Variants in SMAD1 observed in about 807,000 individuals in gnomAD.
The protein encoded by SMAD1 is SMAD family member 1, also known as MAD, mothers against decapentaplegic homolog 1.
Under a neutral mutation model 41.6 loss-of-function variants are expected in SMAD1, and 6 were observed. The observed-to-expected ratio is 0.14, with a 90% confidence interval of 0.08 to 0.28. The LOEUF is 0.28. Ranked by LOEUF, SMAD1 falls within the 10% of genes least tolerant of loss-of-function variation. The pLI is 1.00. For missense variants in SMAD1, 379 were observed against 582.6 expected (o/e 0.65, Z 3.60); for synonymous variants, 206 against 203.2 (o/e 1.01, Z -0.12).
chr4:145,553,431 G>A (rs1461254195), intron 5 of SMAD1, among the ~76,000 whole-genome samples: 1 of 152,124 alleles, frequency 6.6e-6, no homozygotes, highest in African/African-American at 2.4e-5. Context: ...TCAGGCATTA[G>A]ATTCTCATAA....
At chr4:145,554,352 A>G (rs1289638277) in intron 6 of SMAD1, among the ~76,000 whole-genome samples, 2 of 152,168 alleles carry the variant, frequency 1.3e-5, no homozygotes, top group Non-Finnish European at 2.9e-5. Flanking sequence ...CATATAATTT[A>G]AATACATGGT....
At chr4:145,551,801 C>CA (rs1339920901) in intron 5 of SMAD1, among the ~76,000 whole-genome samples, 2 of 152,296 alleles carry the variant, frequency 1.3e-5, no homozygotes, top group East Asian at 3.9e-4. Context: ...CTGCTGGTGA[C>CA]AGTGTAAATT....
At chr4:145,551,860 C>G (rs1245378642) in intron 5 of SMAD1, among the ~76,000 whole-genome samples, 1 of 152,130 alleles carries the variant, frequency 6.6e-6, no homozygotes, top group Non-Finnish European at 1.5e-5. Flanking sequence ...AGCCTTCGAT[C>G]CAGTAATTTA....
At chr4:145,557,667 G>A in intron 6 of SMAD1, 124 bp from the exon 7 acceptor site, 1 of 650,984 alleles carries the variant, frequency 1.5e-6, no homozygotes, top group Non-Finnish European at 2.5e-6. Context: ...CCCAGGGGCG[G>A]GGGGGTCAGG....
At chr4:145,499,302 T>G (rs537042152) in intron 1 of SMAD1, among the ~76,000 whole-genome samples, 10 of 152,184 alleles carry the variant, frequency 6.6e-5, no homozygotes, top group African/African-American at 2.4e-4. Flanking sequence ...AGTCAAAACT[T>G]TTTTGTGCAC....
chr4:145,552,747 A>G (rs974901777), intron 5 of SMAD1, among the ~76,000 whole-genome samples: 1 of 152,050 alleles, frequency 6.6e-6, no homozygotes, highest in South Asian at 2.1e-4. Context: ...TTTTCCAAAC[A>G]TCTTAGCTGT....
In SMAD1 at chr4:145,509,432, G is replaced by A. The variant is rs1055932695; in HGVS notation, c.-176-5006G>A. Among the ~76,000 whole-genome samples the A allele has an allele frequency of 3.9e-5, 6 of 152,192 alleles. No individual in the cohort carries two copies. The East Asian group carries it at 7.7e-4, about 20-fold the overall frequency. ...TGAAATGGTGGTTCTTATATAATACGTTGCCCAACACTTGCCTTAAATAAA... is the reference window on the plus strand; with the variant it reads ...TGAAATGGTGGTTCTTATATAATACATTGCCCAACACTTGCCTTAAATAAA... On this transcript the variant is annotated intron_variant, in intron 1 of 6. Transcript: ENST00000302085.
rs184111822 is a variant in SMAD1 at position 145,558,722 on chromosome 4, T to C, written c.*788T>C. 9.1e-6 allele frequency among the ~76,000 whole-genome samples: 1 copy of C among 109,310 alleles called. No homozygotes were observed. Among genetic ancestry groups the C allele is most frequent in the East Asian group, 2.1e-4 (1 of 4,750 alleles). 71.7% of individuals were successfully genotyped at this position (109,310 alleles called of 152,430 possible). Reference sequence around the variant, plus strand: ...TGTGTTTCCATTTTTTAGAGATTTTTATCATTTTTTTCTCTCTCGGCATTC... The same window carrying C: ...TGTGTTTCCATTTTTTAGAGATTTTCATCATTTTTTTCTCTCTCGGCATTC... On this transcript the variant is annotated 3_prime_UTR_variant, in exon 7 of 7. Transcript: ENST00000302085.
Position 145,540,053 on chromosome 4 carries a change from A to G in SMAD1, c.650A>G (p.Gln217Arg). The G allele has an allele frequency of 6.2e-7, 1 of 1,614,078 alleles. No homozygotes were observed. Residue 217 changes from glutamine to arginine, a missense_variant, in exon 3 of 7, where the codon CAG becomes CGG. Around this residue, in one of 3 missense-constraint regions of SMAD1, gnomAD observed 208 missense variants for 210.5 expected, o/e 0.99. Coordinates refer to ENST00000302085, the MANE Select transcript of SMAD1 (RefSeq NM_005900.3). ...AGCTCAGACCCAGGAAGCCCTTTCC[A>G]GATGCCAGGTAGGTTGGAATGTTCA... ...PTSSDPGSPF[Q>R]MPADTPPPAY...
At chr4:145,547,875 T>C (rs184811220) in intron 5 of SMAD1, among the ~76,000 whole-genome samples, 200 of 149,304 alleles carry the variant, frequency 1.3e-3, no homozygotes, top group Non-Finnish European at 2.1e-3. Flanking sequence ...ATATGCGTTT[T>C]TACTTGCGTA....
rs568056122 is a variant in SMAD1, at chr4:145,514,841, A to G, written c.228A>G (p.Gln76=). Residue 76 remains glutamine, a synonymous_variant, in exon 2 of 7, where the codon CAA becomes CAG. Transcript: ENST00000302085. This position sits in a 1 kb window ranked among gnomAD's most constrained non-coding sequence, Gnocchi z 4.7. The stretch of plus-strand genomic sequence containing the variant: ...CCCGCTCTCTGGATGGCAGGCTGCA[A>G]GTCTCCCACCGGAAGGGACTGCCTC... The part of the protein sequence containing the change: ...TIPRSLDGRL[Q]VSHRKGLPHV... 6 of 1,614,066 alleles carry G rather than the reference A, an allele frequency of 3.7e-6. No homozygotes were observed. The African/African-American group carries it at 5.3e-5, about 14-fold the overall frequency.
At position 145,558,296 on chromosome 4, in the gene SMAD1, C is replaced by T. The variant is rs1195972843; in HGVS notation, c.*362C>T. Among the ~76,000 whole-genome samples, 6 of 152,124 alleles carry T rather than the reference C, an allele frequency of 3.9e-5. No homozygotes were observed. Among genetic ancestry groups the T allele is most frequent in the South Asian group, 2.1e-4 (1 of 4,832 alleles). On this transcript the variant is annotated 3_prime_UTR_variant, in exon 7 of 7. Coordinates refer to ENST00000302085, the MANE Select transcript of SMAD1 (RefSeq NM_005900.3). ...TTGGTGTTTGGCACTTTAAGGTCAT[C>T]GTTGGGCAGAAGTTTAGCATTAATA...
At chr4:145,487,817 C>G (rs943056434) in intron 1 of SMAD1, among the ~76,000 whole-genome samples, 1 of 152,182 alleles carries the variant, frequency 6.6e-6, no homozygotes, top group Non-Finnish European at 1.5e-5. Flanking sequence ...GGCTGACTTG[C>G]AGAAATGAGC....
intron 1 of SMAD1, among the ~76,000 whole-genome samples, chr4:145,499,388 T>C (rs1560728284): frequency 6.6e-6 from 1 of 152,218 alleles, no homozygotes; most frequent in Non-Finnish European, 1.5e-5. Flanking sequence ...TTTGGGAGGC[T>C]GAAGCGGTGG....
chr4:145,547,871 G>A (rs953239315), intron 5 of SMAD1, among the ~76,000 whole-genome samples: 31 of 150,218 alleles, frequency 2.1e-4, no homozygotes, highest in Middle Eastern at 6.8e-3. Context: ...ATGTATATGC[G>A]TTTTTACTTG....
chr4:145,554,107 T>C, intron 6 of SMAD1, 67 bp downstream of exon 6: 2 of 1,150,728 alleles, frequency 1.7e-6, no homozygotes, highest in Non-Finnish European at 2.5e-6. Flanking sequence ...TTTTTTTTTT[T>C]TGGCGATATA....
rs1210006570 is a variant in SMAD1, at chr4:145,519,147, G to C, written c.400+4134G>C. Reference sequence around the variant, plus strand: ...GTCTCGCTCTGTTGACCAGGCTGGAGTGCAGTGGCATGATCTCGGCTCACT... The same window carrying C: ...GTCTCGCTCTGTTGACCAGGCTGGACTGCAGTGGCATGATCTCGGCTCACT... On this transcript the variant is annotated intron_variant, in intron 2 of 6. Transcript: ENST00000302085. Among the ~76,000 whole-genome samples the C allele has an allele frequency of 8.2e-5, 8 of 97,724 alleles. 3 individuals are homozygous for C. Among genetic ancestry groups the C allele is most frequent in the Non-Finnish European group, 2.0e-4 (8 of 40,662 alleles). The allele number at this position is 97,724 out of a possible 152,430, so 64.1% of individuals were successfully genotyped here.
intron 1 of SMAD1, among the ~76,000 whole-genome samples, chr4:145,488,665 A>T (rs561252765): frequency 6.6e-6 from 1 of 152,196 alleles, no homozygotes; most frequent in Non-Finnish European, 1.5e-5. Context: ...ACTAAATGCA[A>T]GATCTTTTGT....
At chr4:145,535,516 G>C (rs1208022084) in intron 2 of SMAD1, among the ~76,000 whole-genome samples, 1 of 152,128 alleles carries the variant, frequency 6.6e-6, no homozygotes, top group Non-Finnish European at 1.5e-5. Context: ...GCACTAATAT[G>C]AAGTTTTTCT....
Sources: gnomAD v4.1 joint callset for allele counts (sites outside exome capture counted in the v4.1 genomes callset) on GRCh38, gnomAD v4.1.1 for gene constraint, gnomAD v4.1.1 regional missense constraint, Gnocchi (gnomAD v3.1) non-coding constraint, MANE v1.5 for transcripts, NCBI Gene and HGNC (gene_info 2026-07-23, HGNC 2026-07-21) for gene names.